Variants in CRMP1 observed in about 807,000 individuals in gnomAD.
CRMP1 encodes the protein dihydropyrimidinase-related protein 1.
A neutral mutation model predicts 68.3 loss-of-function variants in CRMP1; 19 were observed. That is an observed-to-expected ratio of 0.28 (90% CI 0.19 to 0.41). The LOEUF (loss-of-function observed/expected upper bound fraction) is 0.41, where lower values mean the gene tolerates loss of function less well. Ranked by LOEUF, CRMP1 falls within the 10% of genes least tolerant of loss-of-function variation. The pLI, the probability that CRMP1 is intolerant of heterozygous loss-of-function variation, is 1.00. For missense variants in CRMP1, 791 were observed against 967.4 expected (o/e 0.82, Z 2.42); for synonymous variants, 439 against 399.6 (o/e 1.10, Z -1.18).
rs1711696012 is a variant in CRMP1 at position 5,841,192 on chromosome 4, C to T, written c.1153+116G>A. 2.6e-6 allele frequency: 4 copies of T among 1,530,706 alleles called. No individual in the cohort carries two copies. In the Admixed American group the frequency reaches 6.8e-5, roughly 26 times the overall value. 94.8% of individuals were successfully genotyped at this position (1,530,706 alleles called of 1,614,324 possible). On this transcript the variant is annotated intron_variant, in intron 8 of 13. Transcript: ENST00000324989. This position sits in a 1 kb window ranked among gnomAD's most constrained non-coding sequence, Gnocchi z 6.9. ...TCCTTGTGTCAGGAGCATCCCCGCT[C>T]CACCCCTCCCTCCTCCGGCTGCCTG...
intron 9 of CRMP1, among the ~76,000 whole-genome samples, chr4:5,837,784 T>C (rs1720830000): frequency 6.6e-6 from 1 of 152,090 alleles, no homozygotes; most frequent in Admixed American, 6.5e-5. Context: ...CAGGAAATGT[T>C]AGCAATTGCC....
intron 1 of CRMP1, among the ~76,000 whole-genome samples, chr4:5,874,047 C>G (rs1714641762): frequency 6.6e-6 from 1 of 152,142 alleles, no homozygotes; most frequent in Non-Finnish European, 1.5e-5. Context: ...TGGGATTCCT[C>G]AGTAAGAATG....
Position 5,866,861 on chromosome 4 carries a change from A to G in CRMP1, c.382-105T>C. On this transcript the variant is annotated intron_variant, in intron 1 of 13. Transcript: ENST00000324989. This position sits in a 1 kb window ranked among gnomAD's most constrained non-coding sequence, Gnocchi z 5.9. Reference sequence around the variant, plus strand: ...AATTATCAAATATTTTCAAAAGTAAAGGCATTTAACTTCCCCCGCCCCAGA... The same window carrying G: ...AATTATCAAATATTTTCAAAAGTAAGGGCATTTAACTTCCCCCGCCCCAGA... 1 of 799,762 alleles carries G rather than the reference A, an allele frequency of 1.3e-6. No homozygotes were observed. The highest frequency in any genetic ancestry group is 2.2e-5 in the South Asian group (1 of 46,074). The allele number at this position is 799,762 out of a possible 1,614,324, so 49.5% of individuals were successfully genotyped here.
intron 1 of CRMP1, among the ~76,000 whole-genome samples, chr4:5,885,484 A>G (rs1459640341): frequency 2.0e-5 from 3 of 152,098 alleles, no homozygotes; most frequent in Non-Finnish European, 4.4e-5. Context: ...AAACATCTCA[A>G]CTGCCTTCAT....
chr4:5,889,524 G>A lies in CRMP1; in HGVS notation c.381+3065C>T, dbSNP rs1285840299. ...GCTTGACAAGGTCCGTAACAGCAGA[G>A]GGGAAAAGATGAAAGAAGATGGAGG... On this transcript the variant is annotated intron_variant, in intron 1 of 13. Coordinates refer to ENST00000324989, the MANE Select transcript of CRMP1 (RefSeq NM_001014809.3). This position sits in a 1 kb window ranked among gnomAD's most constrained non-coding sequence, Gnocchi z 4.5. The A allele has an allele frequency of 5.9e-6, 9 of 1,519,828 alleles. No individual in the cohort carries two copies. The highest frequency in any genetic ancestry group is 7.9e-6 in the Non-Finnish European group (9 of 1,132,414). 94.1% of individuals were successfully genotyped at this position (1,519,828 alleles called of 1,614,324 possible).
At chr4:5,851,307 A>C (rs1712598721) in intron 5 of CRMP1, 101 bp downstream of exon 5, 1 of 1,057,906 alleles carries the variant, frequency 9.5e-7, no homozygotes, top group East Asian at 2.4e-5. Context: ...CTCGAATCCC[A>C]CGGCTTCTCA....
rs189395498 is a variant in CRMP1 at position 5,865,388 on chromosome 4, G to A, written c.470+1280C>T. Among the ~76,000 whole-genome samples, 117 of 152,174 alleles carry A rather than the reference G, an allele frequency of 7.7e-4. 2 individuals carry two copies. The highest frequency in any genetic ancestry group is 2.4e-3 in the African/African-American group (98 of 41,526). On this transcript the variant is annotated intron_variant, in intron 2 of 13. Coordinates refer to ENST00000324989, the MANE Select transcript of CRMP1 (RefSeq NM_001014809.3). The surrounding 1 kb of genome is among the most constrained non-coding windows in gnomAD (Gnocchi z 4.1). ...TGTAATCCCAGCACTTTGGGAGGCC[G>A]AGGCGAGCGGATCACGAGGTCAGGA... is the stretch of plus-strand genomic sequence containing the variant.
chr4:5,854,399 G>GTT lies in CRMP1; in HGVS notation c.820+1742_820+1743dup, dbSNP rs35551598. Among the ~76,000 whole-genome samples the GTT allele has an allele frequency of 6.0e-3, 428 of 70,850 alleles. 7 individuals carry two copies. The highest frequency in any genetic ancestry group is 0.024 in the African/African-American group (391 of 16,520). The allele number at this position is 70,850 out of a possible 152,430, so 46.5% of individuals were successfully genotyped here. ...GGCGTACACCACCACTCCTGGCTATGTTTTTTTTTTTTTTTTTTTTTTTTT... is the reference window on the plus strand; with the variant it reads ...GGCGTACACCACCACTCCTGGCTATGTTTTTTTTTTTTTTTTTTTTTTTTTTT... On this transcript the variant is annotated intron_variant, in intron 4 of 13. Transcript: ENST00000324989. The surrounding 1 kb of genome is among the most constrained non-coding windows in gnomAD (Gnocchi z 4.0).
At chr4:5,857,240 CCATCAT>C (rs200341633) in intron 3 of CRMP1, among the ~76,000 whole-genome samples, 16 of 151,400 alleles carry the variant, frequency 1.1e-4, no homozygotes, top group African/African-American at 3.4e-4. Context: ...ATCACCATCA[CCATCAT>C]CATCATCACT....
rs34073650 is a variant in CRMP1, at chr4:5,860,629, AT to A, written c.655+396del. Among the ~76,000 whole-genome samples the A allele has an allele frequency of 0.55, 80,250 of 145,780 alleles. 22,502 individuals are homozygous for A. The highest frequency in any genetic ancestry group is 0.84 in the East Asian group (4,152 of 4,962). On this transcript the variant is annotated intron_variant, in intron 3 of 13. Coordinates refer to ENST00000324989, the MANE Select transcript of CRMP1 (RefSeq NM_001014809.3). This position sits in a 1 kb window ranked among gnomAD's most constrained non-coding sequence, Gnocchi z 4.2. ...AGCCATCTTCACATCATGTTGAAGG[AT>A]TTTTTTTTTTTTTGCTTTATCTCCC...
chr4:5,861,248 G>A lies in CRMP1; in HGVS notation c.471-38C>T, dbSNP rs747616300. 1.3e-6 allele frequency: 2 copies of A among 1,594,610 alleles called. No homozygotes were observed. The highest frequency in any genetic ancestry group is 2.7e-5 in the African/African-American group (2 of 74,412). On this transcript the variant is annotated intron_variant, in intron 2 of 13. Coordinates refer to ENST00000324989, the MANE Select transcript of CRMP1 (RefSeq NM_001014809.3). This position sits in a 1 kb window ranked among gnomAD's most constrained non-coding sequence, Gnocchi z 6.0. ...AACAGAGACAGCCTTGGTTCTTAAA[G>A]GAAAAGTAGAATGGGCAGTCAACCC...
rs1294224300 is a variant in CRMP1 at position 5,893,032 on chromosome 4, C to G, written c.-63G>C. The G allele has an allele frequency of 2.9e-6, 3 of 1,051,318 alleles. No individual in the cohort carries two copies. The highest frequency in any genetic ancestry group is 3.5e-6 in the Non-Finnish European group (3 of 864,762). The allele number at this position is 1,051,318 out of a possible 1,614,324, so 65.1% of individuals were successfully genotyped here. A position where few individuals can be genotyped will look rare whatever the true frequency, so the allele number is the denominator to read the frequency against. On this transcript the variant is annotated 5_prime_UTR_variant, in exon 1 of 14. Transcript: ENST00000324989. ...GCCCGCCCGCGGCCCTGGGCACCGC[C>G]GTGCGCCGCGCTCCGCGCCTCGGTG...
intron 12 of CRMP1, chr4:5,828,168 G>A (rs1157108742): frequency 1.0e-6 from 1 of 985,284 alleles, no homozygotes; most frequent in Non-Finnish European, 1.2e-6. Flanking sequence ...CCTCCCGTGG[G>A]TGGGCAGGAT....
rs79811724 is a variant in CRMP1 at position 5,823,849 on chromosome 4, G to A, written c.1969+1645C>T. 3.1e-4 allele frequency among the ~76,000 whole-genome samples: 47 copies of A among 152,272 alleles called. No individual in the cohort carries two copies. In the East Asian group the frequency reaches 5.0e-3, roughly 16 times the overall value. ...ATCCTTTATAGCAATGTAAATGGAC[G>A]AAAACAGACACTAACTCATGGTACA... On this transcript the variant is annotated intron_variant, in intron 13 of 13. Coordinates refer to ENST00000324989, the MANE Select transcript of CRMP1 (RefSeq NM_001014809.3).
chr4:5,831,527 A>G (rs908179220), intron 11 of CRMP1, among the ~76,000 whole-genome samples: 2 of 152,134 alleles, frequency 1.3e-5, no homozygotes, highest in Non-Finnish European at 2.9e-5. Flanking sequence ...TGGCTCCACT[A>G]TGGAGTGATT....
intron 1 of CRMP1, among the ~76,000 whole-genome samples, chr4:5,867,081 G>A (rs1399257064): frequency 6.6e-6 from 1 of 152,114 alleles, no homozygotes; most frequent in Non-Finnish European, 1.5e-5. Flanking sequence ...AAATGAGTAT[G>A]GGCAGCAAGC....
In CRMP1 at chr4:5,853,876, A is replaced by G. The variant is rs1026922572; in HGVS notation, c.820+2267T>C. 6.6e-6 allele frequency among the ~76,000 whole-genome samples: 1 copy of G among 152,254 alleles called. No homozygotes were observed. Among genetic ancestry groups the G allele is most frequent in the Non-Finnish European group, 1.5e-5 (1 of 68,046 alleles). On this transcript the variant is annotated intron_variant, in intron 4 of 13. Coordinates refer to ENST00000324989, the MANE Select transcript of CRMP1 (RefSeq NM_001014809.3). This position sits in a 1 kb window ranked among gnomAD's most constrained non-coding sequence, Gnocchi z 4.7. ...CATCTCACTTATATGTGGAATCTAA[A>G]AAGTTGATTTCATAGAAGCATACAA...
chr4:5,865,768 T>G lies in CRMP1; in HGVS notation c.470+900A>C, dbSNP rs1713954182. On this transcript the variant is annotated intron_variant, in intron 2 of 13. Transcript: ENST00000324989. The surrounding 1 kb of genome is among the most constrained non-coding windows in gnomAD (Gnocchi z 4.1). ...AGGGCCTTTAAGGAGGTGATTAAGG[T>G]TGTTAAGGTTGAATGAGGCCACAGG... is the stretch of plus-strand genomic sequence containing the variant. Among the ~76,000 whole-genome samples, 1 of 151,908 alleles carries G rather than the reference T, an allele frequency of 6.6e-6. No homozygotes were observed. Among genetic ancestry groups the G allele is most frequent in the African/African-American group, 2.4e-5 (1 of 41,334 alleles).
At chr4:5,824,293 A>G (rs1237757115) in intron 13 of CRMP1, 1 of 985,210 alleles carries the variant, frequency 1.0e-6, no homozygotes, top group African/African-American at 1.7e-5. Flanking sequence ...CATGACTTTT[A>G]GCATTCTATT....
Sources: gnomAD v4.1 joint callset for allele counts (sites outside exome capture counted in the v4.1 genomes callset) on GRCh38, gnomAD v4.1.1 for gene constraint, Gnocchi (gnomAD v3.1) non-coding constraint, MANE v1.5 for transcripts, NCBI Gene and HGNC (gene_info 2026-07-23, HGNC 2026-07-21) for gene names.